Variants in PRKN observed in about 807,000 individuals in gnomAD.
PRKN encodes E3 ubiquitin-protein ligase parkin.
A neutral mutation model predicts 59.5 loss-of-function variants in PRKN; 56 were observed. The ratio of observed to expected loss-of-function variants is 0.94; its 90% CI spans 0.76 to 1.18. The LOEUF is 1.18. Among genes scored for constraint, PRKN ranks in the 50% most tolerant of loss-of-function variants. The pLI is 0.00. For missense variants in PRKN, 657 were observed against 596.4 expected, an observed-to-expected ratio of 1.10 and a Z score of -1.06; for synonymous variants, 250 against 222.1, an observed-to-expected ratio of 1.13 and a Z score of -1.12.
rs148941149 is a variant in PRKN, at chr6:162,703,475, G to C, written c.7+24187C>G. Among the ~76,000 whole-genome samples, 226 of 152,254 alleles carry C rather than the reference G, an allele frequency of 1.5e-3. 1 individual carries two copies. The highest frequency in any genetic ancestry group is 6.8e-3 in the Middle Eastern group (2 of 294). On this transcript the variant is annotated intron_variant, in intron 1 of 11. Transcript: ENST00000366898. The stretch of plus-strand genomic sequence containing the variant: ...CTAAACACCTGGAATTGAGAAAACT[G>C]AACACGGTCTCAGCAGTAGAGCTGT...
chr6:162,015,758 C>T (rs1245484968), intron 5 of PRKN, among the ~76,000 whole-genome samples: 3 of 152,016 alleles, frequency 2.0e-5, no homozygotes, highest in Non-Finnish European at 2.9e-5. Context: ...AATGGTAAGC[C>T]GAGAACTTTC....
intron 7 of PRKN, among the ~76,000 whole-genome samples, chr6:161,615,601 A>G (rs1782663588): frequency 1.3e-5 from 2 of 152,244 alleles, no homozygotes; most frequent in South Asian, 2.1e-4. Context: ...CCAGCCAGCC[A>G]AAGGCTGTGG....
chr6:161,645,866 C>T (rs185629229), intron 7 of PRKN, among the ~76,000 whole-genome samples: 2 of 152,368 alleles, frequency 1.3e-5, no homozygotes, highest in East Asian at 1.9e-4. Flanking sequence ...TAGAAAAGGC[C>T]GCTGTCTCAG....
chr6:162,260,801 GA>G (rs1779857096), intron 3 of PRKN, among the ~76,000 whole-genome samples: 1 of 152,064 alleles, frequency 6.6e-6, no homozygotes, highest in Non-Finnish European at 1.5e-5. Flanking sequence ...TAAACAATGT[GA>G]TTTTTTTATT....
intron 2 of PRKN, among the ~76,000 whole-genome samples, chr6:162,406,982 T>C (rs2128152693): frequency 6.6e-6 from 1 of 152,244 alleles, no homozygotes; most frequent in Admixed American, 6.5e-5. Context: ...ACCAAAATTG[T>C]AGATTTTCCA....
At position 162,458,353 on chromosome 6, in the gene PRKN, G is replaced by A. The variant is rs536673869; in HGVS notation, c.8-14880C>T. Among the ~76,000 whole-genome samples the A allele has an allele frequency of 2.0e-5, 3 of 149,840 alleles. No individual in the cohort carries two copies. In the East Asian group the frequency reaches 5.9e-4, roughly 29 times the overall value. On this transcript the variant is annotated intron_variant, in intron 1 of 11. Coordinates refer to ENST00000366898, the MANE Select transcript of PRKN (RefSeq NM_004562.3). ...AGACAGGAGAATCACTTGAACCCAG[G>A]AAGCAGAGGTTGCAGTAAGCCAAGA...
rs1422634435 is a variant in PRKN, at chr6:162,648,468, G to A, written c.7+79194C>T. On this transcript the variant is annotated intron_variant, in intron 1 of 11. Transcript: ENST00000366898. ...GCCATCTTGACTCACTGCAACCTCCGCCCGCCGGGTTCAAGTGATTCTCCT... is the reference window on the plus strand; with the variant it reads ...GCCATCTTGACTCACTGCAACCTCCACCCGCCGGGTTCAAGTGATTCTCCT... Among the ~76,000 whole-genome samples the A allele has an allele frequency of 4.7e-5, 7 of 149,804 alleles. No homozygotes were observed. The South Asian group carries it at 1.0e-3, about 22-fold the overall frequency.
chr6:162,288,384 T>C (rs1781286890), intron 2 of PRKN, among the ~76,000 whole-genome samples: 1 of 152,092 alleles, frequency 6.6e-6, no homozygotes, highest in South Asian at 2.1e-4. Flanking sequence ...TAGGTTACAC[T>C]ATAGGGCCAA....
rs1009958947 is a variant in PRKN at position 161,551,063 on chromosome 6, A to G, written c.934-2060T>C. Among the ~76,000 whole-genome samples, 5 of 152,152 alleles carry G rather than the reference A, an allele frequency of 3.3e-5. No individual in the cohort carries two copies. The highest frequency in any genetic ancestry group is 6.5e-5 in the Admixed American group (1 of 15,272). ...GGTCTAAGAGTTCGGATGGCAAACA[A>G]ACTAGAATCTCTGAATTTATGGGGT... On this transcript the variant is annotated intron_variant, in intron 8 of 11. Coordinates refer to ENST00000366898, the MANE Select transcript of PRKN (RefSeq NM_004562.3). This position sits in a 1 kb window ranked among gnomAD's most constrained non-coding sequence, Gnocchi z 5.2.
At chr6:161,701,734 T>C (rs1786259817) in intron 7 of PRKN, among the ~76,000 whole-genome samples, 1 of 152,212 alleles carries the variant, frequency 6.6e-6, no homozygotes, top group Non-Finnish European at 1.5e-5. Flanking sequence ...TACATGGTTG[T>C]TGTGTATATA....
intron 1 of PRKN, among the ~76,000 whole-genome samples, chr6:162,691,156 T>C (rs535364929): frequency 3.3e-5 from 5 of 152,272 alleles, no homozygotes; most frequent in African/African-American, 9.6e-5. Context: ...TTTTCATAAA[T>C]ACATAAAAAT....
chr6:162,032,445 G>T (rs2128279484), intron 5 of PRKN, among the ~76,000 whole-genome samples: 1 of 152,224 alleles, frequency 6.6e-6, no homozygotes, highest in South Asian at 2.1e-4. Flanking sequence ...GGAGACAACA[G>T]AAAACATGTC....
chr6:161,858,716 A>G (rs1192949550), intron 6 of PRKN, among the ~76,000 whole-genome samples: 1 of 151,962 alleles, frequency 6.6e-6, no homozygotes, highest in Non-Finnish European at 1.5e-5. Flanking sequence ...ATTCTAACCC[A>G]TGCTCCCCAC....
chr6:161,925,674 G>T (rs1163664731), intron 6 of PRKN, among the ~76,000 whole-genome samples: 2 of 152,182 alleles, frequency 1.3e-5, no homozygotes. Flanking sequence ...GTTACATGGA[G>T]TTGTAACTAA....
At chr6:162,693,879 G>C (rs1263908230) in intron 1 of PRKN, among the ~76,000 whole-genome samples, 3 of 152,126 alleles carry the variant, frequency 2.0e-5, no homozygotes, top group Admixed American at 6.5e-5. Flanking sequence ...ATGTTACAAA[G>C]CATACTATAA....
chr6:161,510,645 G>A (rs554325668), intron 9 of PRKN, among the ~76,000 whole-genome samples: 11 of 152,316 alleles, frequency 7.2e-5, no homozygotes, highest in African/African-American at 2.6e-4. Flanking sequence ...AAAGCTATTT[G>A]CATAAGTAAC....
intron 7 of PRKN, among the ~76,000 whole-genome samples, chr6:161,763,823 G>C (rs1161407652): frequency 6.6e-6 from 1 of 152,082 alleles, no homozygotes; most frequent in African/African-American, 2.4e-5. Context: ...GCTGAATCGA[G>C]AAACCTAAGC....
rs904803589 is a variant in PRKN at position 161,566,695 on chromosome 6, C to T, written c.933+2660G>A. ...GATGTGGGATTACAGGTGTGAGCTGCCACGCCTGGCCTCCTCCCACTTTAT... is the reference window on the plus strand; with the variant it reads ...GATGTGGGATTACAGGTGTGAGCTGTCACGCCTGGCCTCCTCCCACTTTAT... On this transcript the variant is annotated intron_variant, in intron 8 of 11. Coordinates refer to ENST00000366898, the MANE Select transcript of PRKN (RefSeq NM_004562.3). This position sits in a 1 kb window ranked among gnomAD's most constrained non-coding sequence, Gnocchi z 4.1. 2.0e-5 allele frequency among the ~76,000 whole-genome samples: 3 copies of T among 152,132 alleles called. No homozygotes were observed. Among genetic ancestry groups the T allele is most frequent in the African/African-American group, 7.2e-5 (3 of 41,432 alleles).
chr6:162,011,358 TATAATATATATAATATA>T (rs1452773755), intron 5 of PRKN, among the ~76,000 whole-genome samples: 8 of 13,908 alleles, frequency 5.8e-4, no homozygotes, highest in African/African-American at 2.6e-3. Flanking sequence ...AATATATATT[TATAATATATATAATATA>T]TTATATATTT....
Sources: allele counts gnomAD v4.1 joint callset (sites outside exome capture counted in the v4.1 genomes callset), GRCh38; gene constraint gnomAD v4.1.1; non-coding constraint Gnocchi (gnomAD v3.1); transcripts MANE v1.5; gene names NCBI Gene and HGNC (gene_info 2026-07-23, HGNC 2026-07-21).